ZNF675: variants seen among roughly 807,000 people sequenced by gnomAD.
ZNF675 encodes zinc finger protein 675.
Under a neutral mutation model 56.1 loss-of-function variants are expected in ZNF675, and 36 were observed. The ratio of observed to expected loss-of-function variants is 0.64; its 90% CI spans 0.49 to 0.85. The LOEUF (loss-of-function observed/expected upper bound fraction) is 0.85. Among genes scored for constraint, ZNF675 ranks in the 40% least tolerant of loss-of-function variants. The probability of loss-of-function intolerance (pLI) is 0.00; values close to 1 mark genes in which losing one functional copy is unlikely to be tolerated. For missense variants in ZNF675, 663 were observed against 654.2 expected, an observed-to-expected ratio of 1.01 and a Z score of -0.15; for synonymous variants, 200 against 218.9, an observed-to-expected ratio of 0.91 and a Z score of 0.76.
At chr19:23,678,863 T>C (rs1423634407) in intron 1 of ZNF675, among the ~76,000 whole-genome samples, 1 of 151,696 alleles carries the variant, frequency 6.6e-6, no homozygotes, top group Non-Finnish European at 1.5e-5. Context: ...TTTAAATTTT[T>C]AATGTAAACA....
chr19:23,671,448 C>T (rs1377045375), intron 1 of ZNF675, among the ~76,000 whole-genome samples: 1 of 152,146 alleles, frequency 6.6e-6, no homozygotes, highest in Non-Finnish European at 1.5e-5. Context: ...CCAGCAGAGA[C>T]TCTTGCTTCA....
At chr19:23,663,387 T>C (rs1393658347) in intron 1 of ZNF675, among the ~76,000 whole-genome samples, 1 of 152,102 alleles carries the variant, frequency 6.6e-6, no homozygotes, top group Non-Finnish European at 1.5e-5. Flanking sequence ...ATAATAATTT[T>C]CTAAATAATA....
chr19:23,685,270 G>A (rs182509905), intron 1 of ZNF675, among the ~76,000 whole-genome samples: 42 of 152,220 alleles, frequency 2.8e-4, no homozygotes, highest in African/African-American at 9.9e-4. Context: ...GCAAGGGTTA[G>A]TTTTTCAAAG....
chr19:23,683,302 G>C (rs959497329), intron 1 of ZNF675, among the ~76,000 whole-genome samples: 3 of 151,654 alleles, frequency 2.0e-5, no homozygotes, highest in African/African-American at 7.3e-5. Flanking sequence ...CAAGATCATA[G>C]GATATAGAAC....
chr19:23,685,690 C>G (rs887311607), intron 1 of ZNF675, among the ~76,000 whole-genome samples: 2 of 151,916 alleles, frequency 1.3e-5, no homozygotes, highest in Non-Finnish European at 2.9e-5. Flanking sequence ...CATTCAATGT[C>G]AAAAAATGCT....
At chr19:23,659,589 T>C (rs73566848) in intron 3 of ZNF675, among the ~76,000 whole-genome samples, 159 of 151,918 alleles carry the variant, frequency 1.0e-3, no homozygotes, top group African/African-American at 3.3e-3. Context: ...AGAGAGGGAG[T>C]TGTGGAACTC....
intron 3 of ZNF675, chr19:23,656,860 T>C (rs1810822204): frequency 6.6e-6 from 1 of 152,150 alleles, no homozygotes; most frequent in Non-Finnish European, 1.5e-5. Context: ...TTAATGGGTA[T>C]TGAGTTTTAG....
At chr19:23,663,463 G>A (rs879739023) in intron 1 of ZNF675, among the ~76,000 whole-genome samples, 4 of 152,128 alleles carry the variant, frequency 2.6e-5, no homozygotes, top group African/African-American at 9.7e-5. Context: ...AGGCCGAGGC[G>A]GGCAGATTAC....
chr19:23,668,753 C>T (rs1050423225), intron 1 of ZNF675, among the ~76,000 whole-genome samples: 7 of 152,158 alleles, frequency 4.6e-5, no homozygotes, highest in African/African-American at 7.2e-5. Flanking sequence ...GTACACCCTC[C>T]GCAGCCGCTG....
intron 1 of ZNF675, among the ~76,000 whole-genome samples, chr19:23,665,751 G>A (rs907847028): frequency 6.6e-6 from 1 of 152,086 alleles, no homozygotes; most frequent in Non-Finnish European, 1.5e-5. Flanking sequence ...CGCCCAACTT[G>A]GCCTCCCAAA....
chr19:23,676,032 T>A (rs1302396103), intron 1 of ZNF675, among the ~76,000 whole-genome samples: 1 of 149,204 alleles, frequency 6.7e-6, no homozygotes, highest in Non-Finnish European at 1.5e-5. Flanking sequence ...TTATCACTGA[T>A]TTGGCAAAAA....
chr19:23,658,879 C>CGA (rs1568289133), intron 3 of ZNF675, among the ~76,000 whole-genome samples: 74 of 8,144 alleles, frequency 9.1e-3, no homozygotes, highest in Non-Finnish European at 0.015. Context: ...CTATAGATAT[C>CGA]TATAGATATA....
Position 23,654,597 on chromosome 19 carries a change from C to T in ZNF675, c.336G>A (p.Gln112=), listed in dbSNP as rs1447568949. Reference sequence around the variant, plus strand: ...CATCCACACTTTTACAGCCTTTTAACTGAAAATTATCATTTCCACATTTTT... The same window carrying T: ...CATCCACACTTTTACAGCCTTTTAATTGAAAATTATCATTTCCACATTTTT... The part of the protein sequence containing the change: ...RYEKCGNDNF[Q]LKGCKSVDEC... Residue 112 remains glutamine, a synonymous_variant, in exon 4 of 4, where the codon CAG becomes CAA. Coordinates refer to ENST00000359788, the MANE Select transcript of ZNF675 (RefSeq NM_138330.3). 3 of 1,611,656 alleles carry T rather than the reference C, an allele frequency of 1.9e-6. No individual in the cohort carries two copies. Among genetic ancestry groups the T allele is most frequent in the Non-Finnish European group, 2.5e-6 (3 of 1,178,860 alleles).
chr19:23,661,887 C>T (rs1470511913), intron 3 of ZNF675: 10 of 411,740 alleles, frequency 2.4e-5, no homozygotes, highest in South Asian at 9.6e-5. Flanking sequence ...TGGTTCTCAC[C>T]GAAAACTTAA....
At chr19:23,685,082 A>G (rs77699335) in intron 1 of ZNF675, among the ~76,000 whole-genome samples, 2,543 of 152,084 alleles carry the variant, frequency 0.017, 83 homozygotes, top group African/African-American at 0.057. Context: ...CTCGGCTCTC[A>G]GCCTCCAAAA....
At chr19:23,675,344 T>G (rs1968281952) in intron 1 of ZNF675, among the ~76,000 whole-genome samples, 1 of 151,652 alleles carries the variant, frequency 6.6e-6, no homozygotes. Context: ...AACTCAACAC[T>G]TGACCAAATA....
intron 1 of ZNF675, among the ~76,000 whole-genome samples, chr19:23,685,609 T>C (rs984298848): frequency 3.3e-5 from 5 of 152,202 alleles, no homozygotes; most frequent in Non-Finnish European, 7.4e-5. Context: ...TACAATACAG[T>C]ATCAGGGAAT....
At position 23,676,556 on chromosome 19, in the gene ZNF675, C is replaced by A. The variant is rs115010833; in HGVS notation, c.3+10475G>T. Among the ~76,000 whole-genome samples the A allele has an allele frequency of 6.2e-3, 943 of 151,854 alleles. 30 individuals are homozygous for A. The highest frequency in any genetic ancestry group is 0.022 in the African/African-American group (907 of 41,198). On this transcript the variant is annotated intron_variant, in intron 1 of 3. Transcript: ENST00000359788. ...GAACACAAGGTTGGTTCAATATATACAAATCAATAAATGTCATTTATCACT... is the reference window on the plus strand; with the variant it reads ...GAACACAAGGTTGGTTCAATATATAAAAATCAATAAATGTCATTTATCACT...
chr19:23,684,649 A>G (rs1568297271), intron 1 of ZNF675, among the ~76,000 whole-genome samples: 1 of 152,106 alleles, frequency 6.6e-6, no homozygotes, highest in South Asian at 2.1e-4. Flanking sequence ...CATCTCAAAA[A>G]AAAAAGAAAA....
Sources: allele counts gnomAD v4.1 joint callset (sites outside exome capture counted in the v4.1 genomes callset), GRCh38; gene constraint gnomAD v4.1.1; transcripts MANE v1.5; gene names NCBI Gene and HGNC (gene_info 2026-07-23, HGNC 2026-07-21).